The following UST variants were observed in gnomAD, a reference collection of about 807,000 sequenced individuals.
UST encodes the protein chondroitin sulfate 2-O-sulfotransferase.
A neutral mutation model predicts 45.6 loss-of-function variants in UST; 21 were observed. That is an observed-to-expected ratio of 0.46 (90% CI 0.33 to 0.66). The LOEUF (loss-of-function observed/expected upper bound fraction) is 0.66, where lower values mean the gene tolerates loss of function less well. Ranked by LOEUF, UST falls within the 30% of genes least tolerant of loss-of-function variation. UST has a pLI of 0.02. For synonymous variants in UST, 215 were observed against 200.6 expected (o/e 1.07, Z -0.61); for missense variants, 463 against 512.4 (o/e 0.90, Z 0.93).
At chr6:148,799,266 G>T (rs17085691) in intron 1 of UST, among the ~76,000 whole-genome samples, 1 of 152,212 alleles carries the variant, frequency 6.6e-6, no homozygotes, top group Non-Finnish European at 1.5e-5. Context: ...GTAATTTAGC[G>T]TGGTCGCACA....
At chr6:148,955,586 G>C (rs140715350) in intron 4 of UST, 1 of 152,220 alleles carries the variant, frequency 6.6e-6, no homozygotes, top group Non-Finnish European at 1.5e-5. Context: ...ATTATCCAGG[G>C]TGTGTGCCCT....
chr6:148,968,680 G>T (rs1182269560), intron 5 of UST, among the ~76,000 whole-genome samples: 2 of 152,236 alleles, frequency 1.3e-5, no homozygotes, highest in Non-Finnish European at 2.9e-5. Context: ...ATGAGGGAGA[G>T]CATCTTATTC....
At chr6:148,920,760 G>C (rs112557496) in intron 2 of UST, among the ~76,000 whole-genome samples, 4,526 of 152,202 alleles carry the variant, frequency 0.03, 248 homozygotes, top group African/African-American at 0.1. Flanking sequence ...GAACTCCCAG[G>C]CTCAACCTAC....
At chr6:148,804,688 A>T (rs11753893) in intron 1 of UST, among the ~76,000 whole-genome samples, 1,724 of 152,228 alleles carry the variant, frequency 0.011, 26 homozygotes, top group Non-Finnish European at 0.014. Context: ...TGAGAATATC[A>T]TATACTGGAA....
intron 7 of UST, among the ~76,000 whole-genome samples, chr6:149,023,977 A>G (rs1204358999): frequency 6.6e-6 from 1 of 152,258 alleles, no homozygotes; most frequent in Non-Finnish European, 1.5e-5. Flanking sequence ...CTTTCCACCT[A>G]TAAATTAAAG....
chr6:149,040,517 T>C (rs1401727214), intron 7 of UST, among the ~76,000 whole-genome samples: 1 of 152,054 alleles, frequency 6.6e-6, no homozygotes, highest in African/African-American at 2.4e-5. Context: ...GAGCCAGGCA[T>C]GGTGGTGCAT....
chr6:149,006,863 C>T (rs148034684), intron 5 of UST, among the ~76,000 whole-genome samples: 224 of 152,288 alleles, frequency 1.5e-3, no homozygotes, highest in Non-Finnish European at 2.1e-3. Flanking sequence ...TTCCATTTTG[C>T]ATTTTTCCCA....
At chr6:148,950,801 T>C (rs1181878518) in intron 3 of UST, among the ~76,000 whole-genome samples, 3 of 152,206 alleles carry the variant, frequency 2.0e-5, no homozygotes, top group Admixed American at 2.0e-4. Flanking sequence ...ATGGTGGTTA[T>C]CACATGATTG....
intron 1 of UST, among the ~76,000 whole-genome samples, chr6:148,827,496 G>A (rs1456601005): frequency 6.6e-6 from 1 of 151,984 alleles, no homozygotes; most frequent in Non-Finnish European, 1.5e-5. Context: ...GCGCATGCCT[G>A]TAATCCCAAC....
chr6:149,001,275 T>C (rs537435833), intron 5 of UST, among the ~76,000 whole-genome samples: 189 of 152,270 alleles, frequency 1.2e-3, no homozygotes, highest in African/African-American at 4.4e-3. Context: ...GGTTTTACCA[T>C]GTTAGCCAGG....
intron 1 of UST, among the ~76,000 whole-genome samples, chr6:148,780,128 T>TACACAC (rs34775441): frequency 2.7e-5 from 4 of 149,708 alleles, no homozygotes; most frequent in African/African-American, 9.8e-5. Context: ...TGTATATATA[T>TACACAC]ACACACACAC....
chr6:148,989,163 G>A (rs1263828323), intron 5 of UST, among the ~76,000 whole-genome samples: 1 of 151,666 alleles, frequency 6.6e-6, no homozygotes, highest in Non-Finnish European at 1.5e-5. Flanking sequence ...GCTACTTCTG[G>A]TCTGTGAGAA....
intron 2 of UST, among the ~76,000 whole-genome samples, chr6:148,916,426 T>A (rs1224005296): frequency 6.6e-6 from 1 of 152,204 alleles, no homozygotes; most frequent in African/African-American, 2.4e-5. Flanking sequence ...GCATTGGCTC[T>A]AAGTTGCTTC....
chr6:148,974,936 C>A (rs889111123), intron 5 of UST, among the ~76,000 whole-genome samples: 4 of 152,232 alleles, frequency 2.6e-5, no homozygotes, highest in Non-Finnish European at 5.9e-5. Flanking sequence ...GAGCATTATT[C>A]ACTCACTTCC....
intron 1 of UST, among the ~76,000 whole-genome samples, chr6:148,806,415 T>C (rs1226794069): frequency 6.6e-6 from 1 of 152,074 alleles, no homozygotes; most frequent in East Asian, 1.9e-4. Flanking sequence ...CTCATCTCAC[T>C]GCAACCTCCA....
At chr6:148,876,302 G>A (rs770733554) in intron 1 of UST, among the ~76,000 whole-genome samples, 4 of 152,048 alleles carry the variant, frequency 2.6e-5, no homozygotes, top group Non-Finnish European at 4.4e-5. Flanking sequence ...CCCCCATGAC[G>A]CAAACACCTC....
intron 1 of UST, among the ~76,000 whole-genome samples, chr6:148,849,355 C>T (rs1043020669): frequency 1.3e-5 from 2 of 152,030 alleles, no homozygotes; most frequent in African/African-American, 4.8e-5. Context: ...ATTAATCATC[C>T]CAATGAAGTA....
chr6:148,984,811 G>T (rs913710928), intron 5 of UST, among the ~76,000 whole-genome samples: 8 of 152,208 alleles, frequency 5.3e-5, no homozygotes, highest in Non-Finnish European at 1.0e-4. Flanking sequence ...ACTCAGCCAA[G>T]ATTTTCATTT....
Position 148,824,077 on chromosome 6 carries a change from T to C in UST, c.248-62909T>C, listed in dbSNP as rs376232679. 2.4e-4 allele frequency among the ~76,000 whole-genome samples: 36 copies of C among 152,312 alleles called. No individual in the cohort carries two copies. In the East Asian group the frequency reaches 6.7e-3, roughly 29 times the overall value. On this transcript the variant is annotated intron_variant, in intron 1 of 7. Transcript: ENST00000367463. The stretch of plus-strand genomic sequence containing the variant: ...ATAATAGCAGGAAAATTTGAAGATA[T>C]AGTTAATGTTCTGAGAATTTTTCCA...
Sources: gnomAD v4.1 joint callset for allele counts (sites outside exome capture counted in the v4.1 genomes callset) on GRCh38, gnomAD v4.1.1 for gene constraint, MANE v1.5 for transcripts, NCBI Gene and HGNC (gene_info 2026-07-23, HGNC 2026-07-21) for gene names.